Variants in TTC33 observed in about 807,000 individuals in gnomAD.
The protein encoded by TTC33 is tetratricopeptide repeat domain 33, also known as tetratricopeptide repeat protein 33.
Under a neutral mutation model 29.4 loss-of-function variants are expected in TTC33, and 24 were observed. The observed-to-expected ratio is 0.82, with a 90% CI of 0.59 to 1.15. The LOEUF is 1.15. Among genes scored for constraint, TTC33 ranks in the 50% most tolerant of loss-of-function variants. The probability of loss-of-function intolerance (pLI) is 0.00; values close to 1 mark genes in which losing one functional copy is unlikely to be tolerated. For synonymous variants in TTC33, 107 were observed against 100.3 expected, an observed-to-expected ratio of 1.07 and a Z score of -0.40; for missense variants, 286 against 310.4, an observed-to-expected ratio of 0.92 and a Z score of 0.59.
chr5:40,720,693 G>C (rs1433848497), intron 4 of TTC33, among the ~76,000 whole-genome samples: 1 of 152,050 alleles, frequency 6.6e-6, no homozygotes, highest in African/African-American at 2.4e-5. Context: ...TCCTTTGTGA[G>C]AAATCCAGAA....
At position 40,722,486 on chromosome 5, in the gene TTC33, G is replaced by A. The variant is rs531564279; in HGVS notation, c.435+5859C>T. On this transcript the variant is annotated intron_variant, in intron 4 of 4. Transcript: ENST00000337702. The stretch of plus-strand genomic sequence containing the variant: ...GAGCCTCTCTGCCTGGCGGCCCATC[G>A]TCTGGGATGTGGGGAGCGCCTCTGC... 1.9e-3 allele frequency among the ~76,000 whole-genome samples: 289 copies of A among 148,768 alleles called. 1 individual carries two copies. Among genetic ancestry groups the A allele is most frequent in the African/African-American group, 7.1e-3 (283 of 40,062 alleles).
chr5:40,718,134 G>T (rs1742045734), intron 4 of TTC33, among the ~76,000 whole-genome samples: 1 of 151,548 alleles, frequency 6.6e-6, no homozygotes, highest in African/African-American at 2.4e-5. Context: ...TCATAAAGAA[G>T]ACAGATACAT....
At chr5:40,740,896 T>C (rs1156234685) in intron 2 of TTC33, among the ~76,000 whole-genome samples, 2 of 152,242 alleles carry the variant, frequency 1.3e-5, no homozygotes, top group Non-Finnish European at 2.9e-5. Flanking sequence ...GTATATTTTT[T>C]ATTTCAGATA....
chr5:40,716,214 T>C lies in TTC33; in HGVS notation c.720A>G (p.Ile240Met). ...TMVIVSASGA[I>M]ETVTEKEDGA... is the part of the protein sequence containing the mutation. Reference sequence around the variant, plus strand: ...CATCCTCCTTTTCAGTTACAGTCTCTATGGCCCCAGAAGCAGACACAATAA... The same window carrying C: ...CATCCTCCTTTTCAGTTACAGTCTCCATGGCCCCAGAAGCAGACACAATAA... Residue 240 changes from isoleucine (I) to methionine (M), a missense_variant, in exon 5 of 5, where the codon ATA becomes ATG. Transcript: ENST00000337702. 6.2e-7 allele frequency: 1 copy of C among 1,614,172 alleles called. No individual in the cohort carries two copies. The highest frequency in any genetic ancestry group is 1.1e-5 in the South Asian group (1 of 91,080).
At chr5:40,717,677 G>C (rs909522204) in intron 4 of TTC33, among the ~76,000 whole-genome samples, 1 of 152,214 alleles carries the variant, frequency 6.6e-6, no homozygotes, top group Non-Finnish European at 1.5e-5. Flanking sequence ...CTCCAAGTGA[G>C]AATCATTGGT....
rs1408215740 is a variant in TTC33 at position 40,713,004 on chromosome 5, T to A, written c.*3141A>T. On this transcript the variant is annotated 3_prime_UTR_variant, in exon 5 of 5. Coordinates refer to ENST00000337702, the MANE Select transcript of TTC33 (RefSeq NM_012382.3). The stretch of plus-strand genomic sequence containing the variant: ...TTTTATTTCTGTTTTATAATTTATA[T>A]ATTTCAATATCTTATTATTGGTAAG... Among the ~76,000 whole-genome samples, 1 of 152,158 alleles carries A rather than the reference T, an allele frequency of 6.6e-6. No individual in the cohort carries two copies. Among genetic ancestry groups the A allele is most frequent in the Non-Finnish European group, 1.5e-5 (1 of 68,024 alleles).
intron 1 of TTC33, among the ~76,000 whole-genome samples, chr5:40,754,925 G>T (rs145675884): frequency 2.2e-4 from 33 of 152,268 alleles, no homozygotes; most frequent in African/African-American, 7.7e-4. Context: ...TTCTTATGAA[G>T]GAGGCTTTCC....
intron 2 of TTC33, among the ~76,000 whole-genome samples, chr5:40,745,513 G>C (rs191360927): frequency 6.6e-6 from 1 of 151,754 alleles, no homozygotes; most frequent in Admixed American, 6.6e-5. Flanking sequence ...GAGGAAATAC[G>C]AGATTGTCCT....
chr5:40,750,767 T>A (rs147004806), intron 1 of TTC33, among the ~76,000 whole-genome samples: 2,110 of 152,310 alleles, frequency 0.014, 24 homozygotes, highest in Non-Finnish European at 0.023. Flanking sequence ...TTTGTTGTCA[T>A]TTCAACCATG....
intron 1 of TTC33, among the ~76,000 whole-genome samples, chr5:40,752,225 G>A (rs996884851): frequency 6.6e-6 from 1 of 152,158 alleles, no homozygotes; most frequent in African/African-American, 2.4e-5. Flanking sequence ...GAATATTGTG[G>A]CTGGTTTGAT....
rs766229284 is a variant in TTC33, at chr5:40,715,087, T to C, written c.*1058A>G. ...ACTATAAATCACATTCCAATTTCTATGTATTTTGTGCTTAAGTTATTTATT... is the reference window on the plus strand; with the variant it reads ...ACTATAAATCACATTCCAATTTCTACGTATTTTGTGCTTAAGTTATTTATT... On this transcript the variant is annotated 3_prime_UTR_variant, in exon 5 of 5. Coordinates refer to ENST00000337702, the MANE Select transcript of TTC33 (RefSeq NM_012382.3). 1.3e-5 allele frequency: 2 copies of C among 152,224 alleles called. No individual in the cohort carries two copies. The highest frequency in any genetic ancestry group is 2.1e-4 in the South Asian group (1 of 4,832). 9.4% of individuals were successfully genotyped at this position (152,224 alleles called of 1,614,324 possible). A position where few individuals can be genotyped will look rare whatever the true frequency, so the allele number is the denominator to read the frequency against.
Position 40,728,447 on chromosome 5 carries a change from T to C in TTC33, c.333A>G (p.Pro111=). The change falls in exon 4 of 5, where the codon CCA becomes CCG. Residue 111 remains proline (P), a synonymous_variant. Transcript: ENST00000337702. ...QVLMSLHEMF[P]AVHAAEMAVQ... ...CGGCCATTTCTGCTGCATGTACTGC[T>C]GGGAACATTTCATGAAGAGACATTA... 3.1e-6 allele frequency: 5 copies of C among 1,612,394 alleles called. No individual in the cohort carries two copies. Among genetic ancestry groups the C allele is most frequent in the Non-Finnish European group, 3.4e-6 (4 of 1,179,550 alleles).
rs774075059 is a variant in TTC33 at position 40,713,969 on chromosome 5, T to C, written c.*2176A>G. 6.6e-6 allele frequency among the ~76,000 whole-genome samples: 1 copy of C among 152,226 alleles called. No homozygotes were observed. The highest frequency in any genetic ancestry group is 1.5e-5 in the Non-Finnish European group (1 of 68,032). On this transcript the variant is annotated 3_prime_UTR_variant, in exon 5 of 5. Transcript: ENST00000337702. ...GGCCTGCAGAAATGAGCTGCCTTCC[T>C]TCTCCATAACTTACTGTTTCTTTTT... is the stretch of plus-strand genomic sequence containing the variant.
intron 4 of TTC33, among the ~76,000 whole-genome samples, chr5:40,722,471 G>T (rs1462895485): frequency 6.6e-6 from 1 of 151,246 alleles, no homozygotes; most frequent in Non-Finnish European, 1.5e-5. Flanking sequence ...GAGCCTCTCT[G>T]CCTGGCGGCC....
intron 2 of TTC33, among the ~76,000 whole-genome samples, chr5:40,740,109 T>C (rs2111919269): frequency 6.6e-6 from 1 of 152,274 alleles, no homozygotes; most frequent in South Asian, 2.1e-4. Flanking sequence ...CTATTACAAT[T>C]GTTATATATT....
At chr5:40,750,986 A>G (rs1280028149) in intron 1 of TTC33, among the ~76,000 whole-genome samples, 1 of 152,202 alleles carries the variant, frequency 6.6e-6, no homozygotes, top group Non-Finnish European at 1.5e-5. Flanking sequence ...AACCCCTCAA[A>G]GTTATCCATG....
At chr5:40,731,840 T>C (rs1742435246) in intron 2 of TTC33, among the ~76,000 whole-genome samples, 1 of 152,178 alleles carries the variant, frequency 6.6e-6, no homozygotes, top group South Asian at 2.1e-4. Flanking sequence ...GAAGACCTCC[T>C]CCAGTGGCTC....
rs1561154725 is a variant in TTC33 at position 40,746,882 on chromosome 5, CG to C, written c.136del (p.Arg46ValfsTer17). On this transcript the variant is annotated frameshift_variant, in exon 2 of 5. Transcript: ENST00000337702. LOFTEE classifies it high-confidence loss of function. ...DEGNWLHAIKRRKEILLEGCA... is the reference protein window; with the variant it reads ...DEGNWLHAIKXRKEILLEGCA... ...GCCTTCAAGAAGAATTTCTTTCCTA[CG>C]TTTAATGGCATGAAGCCAGTTCCCT... is the stretch of plus-strand genomic sequence containing the variant. 1 of 1,614,082 alleles carries C rather than the reference CG, an allele frequency of 6.2e-7. No individual in the cohort carries two copies. Among genetic ancestry groups the C allele is most frequent in the East Asian group, 2.2e-5 (1 of 44,876 alleles).
chr5:40,716,473 A>C lies in TTC33; in HGVS notation c.461T>G (p.Leu154Arg). The part of the protein sequence containing the change: ...ILAIRSFQVA[L>R]HIYPMNPEIW... Reference sequence around the variant, plus strand: ...TTCAGGGTTCATTGGATAGATGTGAAGGGCTACTTGAAAACTTCGAATTGC... The same window carrying C: ...TTCAGGGTTCATTGGATAGATGTGACGGGCTACTTGAAAACTTCGAATTGC... The change falls in exon 5 of 5, where the codon CTT (leucine) becomes CGT (arginine). Residue 154 changes from leucine to arginine, a missense_variant. Transcript: ENST00000337702. 3 of 1,596,112 alleles carry C rather than the reference A, an allele frequency of 1.9e-6. No individual in the cohort carries two copies. Among genetic ancestry groups the C allele is most frequent in the Non-Finnish European group, 2.6e-6 (3 of 1,173,056 alleles).
Sources: allele counts gnomAD v4.1 joint callset (sites outside exome capture counted in the v4.1 genomes callset), GRCh38; gene constraint gnomAD v4.1.1; transcripts MANE v1.5; gene names NCBI Gene and HGNC (gene_info 2026-07-23, HGNC 2026-07-21).